MOB3B: variants seen among roughly 807,000 people sequenced by gnomAD.
MOB3B encodes MOB kinase activator 3B.
MOB3B carries 7 observed loss-of-function variants against 18.7 expected under a neutral mutation model. The observed-to-expected ratio is 0.37, with a 90% CI of 0.21 to 0.70. The LOEUF (loss-of-function observed/expected upper bound fraction) is 0.70, where lower values mean the gene tolerates loss of function less well. Among genes scored for constraint, MOB3B ranks in the 30% least tolerant of loss-of-function variants. MOB3B has a pLI of 0.52. For synonymous variants in MOB3B, 111 were observed against 99.9 expected, an observed-to-expected ratio of 1.11 and a Z score of -0.66; for missense variants, 253 against 281.3, an observed-to-expected ratio of 0.90 and a Z score of 0.72.
At chr9:27,398,496 CAG>C in intron 2 of MOB3B, among the ~76,000 whole-genome samples, 1 of 152,296 alleles carries the variant, frequency 6.6e-6, no homozygotes, top group East Asian at 1.9e-4. Context: ...GCATTTGACA[CAG>C]AGTCTAATAC....
intron 1 of MOB3B, among the ~76,000 whole-genome samples, chr9:27,526,688 GA>G (rs1820443066): frequency 6.6e-6 from 1 of 152,192 alleles, no homozygotes; most frequent in Admixed American, 6.5e-5. Flanking sequence ...CTAATCAAAA[GA>G]AAAAGGATAA....
intron 1 of MOB3B, chr9:27,525,092 T>C (rs1820415290): frequency 1.4e-6 from 1 of 715,532 alleles, no homozygotes; most frequent in Non-Finnish European, 2.2e-6. Flanking sequence ...CCTCGGAACA[T>C]CAGGGACACT....
chr9:27,432,435 A>G (rs1308834305), intron 2 of MOB3B, among the ~76,000 whole-genome samples: 4 of 152,172 alleles, frequency 2.6e-5, no homozygotes, highest in African/African-American at 4.8e-5. Context: ...TCACTTTGAG[A>G]TAGTAACCTC....
At chr9:27,418,918 A>G (rs1325648521) in intron 2 of MOB3B, among the ~76,000 whole-genome samples, 1 of 144,246 alleles carries the variant, frequency 6.9e-6, no homozygotes, top group Non-Finnish European at 1.5e-5. Context: ...ACTCCTCCAG[A>G]AAGCTCCTAG....
chr9:27,503,621 C>G (rs960393249), intron 1 of MOB3B, among the ~76,000 whole-genome samples: 1 of 152,214 alleles, frequency 6.6e-6, no homozygotes, highest in Non-Finnish European at 1.5e-5. Context: ...GATTAGCCCT[C>G]TGTAAAGTTT....
chr9:27,519,172 C>T (rs1371484510), intron 1 of MOB3B, among the ~76,000 whole-genome samples: 3 of 152,122 alleles, frequency 2.0e-5, no homozygotes, highest in Non-Finnish European at 4.4e-5. Context: ...AGAACCAAAC[C>T]ACCAAATAAC....
At chr9:27,496,480 G>C (rs567130190) in intron 1 of MOB3B, among the ~76,000 whole-genome samples, 2 of 152,164 alleles carry the variant, frequency 1.3e-5, no homozygotes, top group South Asian at 4.1e-4. Flanking sequence ...TCACATGTAA[G>C]GACAGTATAA....
intron 3 of MOB3B, among the ~76,000 whole-genome samples, chr9:27,349,286 C>A (rs140905635): frequency 7.9e-5 from 12 of 152,328 alleles, no homozygotes; most frequent in African/African-American, 2.4e-4. Flanking sequence ...AGTGACCACA[C>A]AAGTCCCTAG....
chr9:27,349,429 G>A (rs913670319), intron 3 of MOB3B, among the ~76,000 whole-genome samples: 6 of 152,060 alleles, frequency 3.9e-5, no homozygotes, highest in African/African-American at 9.7e-5. Flanking sequence ...GTTAATACTC[G>A]CTTGACATTT....
At chr9:27,472,008 T>C (rs1223052620) in intron 1 of MOB3B, among the ~76,000 whole-genome samples, 1 of 152,218 alleles carries the variant, frequency 6.6e-6, no homozygotes, top group Non-Finnish European at 1.5e-5. Flanking sequence ...CTGATGTTTT[T>C]ATGTAACCAC....
Position 27,470,137 on chromosome 9 carries a change from A to G in MOB3B, c.-198-14389T>C, listed in dbSNP as rs144034351. ...AAGAAAAAAAAAAAAAAGAAAAGAA[A>G]ACTACCCCAACTTAACTGTCTTTTT... is the stretch of plus-strand genomic sequence containing the variant. On this transcript the variant is annotated intron_variant, in intron 1 of 3. Transcript: ENST00000262244. Among the ~76,000 whole-genome samples, 725 of 151,482 alleles carry G rather than the reference A, an allele frequency of 4.8e-3. 6 individuals carry two copies. The highest frequency in any genetic ancestry group is 0.017 in the African/African-American group (692 of 41,306).
At chr9:27,471,258 G>C (rs1244209197) in intron 1 of MOB3B, among the ~76,000 whole-genome samples, 1 of 152,194 alleles carries the variant, frequency 6.6e-6, no homozygotes, top group Non-Finnish European at 1.5e-5. Flanking sequence ...GTCATTTCCT[G>C]AGGCGAATAG....
intron 2 of MOB3B, among the ~76,000 whole-genome samples, chr9:27,370,551 C>A (rs1478672322): frequency 6.6e-6 from 1 of 151,552 alleles, no homozygotes; most frequent in Admixed American, 6.6e-5. Flanking sequence ...TTTCTTTCTC[C>A]ATGTGAAGTT....
chr9:27,479,185 C>A (rs2131475250), intron 1 of MOB3B, among the ~76,000 whole-genome samples: 1 of 152,240 alleles, frequency 6.6e-6, no homozygotes. Context: ...AGCAAGGCAC[C>A]AGCAACTACT....
At chr9:27,381,564 C>G (rs1369664072) in intron 2 of MOB3B, among the ~76,000 whole-genome samples, 1 of 152,162 alleles carries the variant, frequency 6.6e-6, no homozygotes, top group Non-Finnish European at 1.5e-5. Flanking sequence ...CAACACCAGT[C>G]ATCGCACTCT....
chr9:27,526,732 C>A (rs1380479666), intron 1 of MOB3B, among the ~76,000 whole-genome samples: 1 of 152,158 alleles, frequency 6.6e-6, no homozygotes, highest in Non-Finnish European at 1.5e-5. Context: ...AGGGCACAAA[C>A]TGACATCATC....
intron 1 of MOB3B, among the ~76,000 whole-genome samples, chr9:27,461,589 C>T (rs754276485): frequency 8.5e-5 from 13 of 152,340 alleles, no homozygotes; most frequent in Non-Finnish European, 1.5e-4. Context: ...GAAGTTAGTA[C>T]AAATAGGTGT....
At chr9:27,335,214 G>A (rs1587137831) in intron 3 of MOB3B, among the ~76,000 whole-genome samples, 2 of 152,228 alleles carry the variant, frequency 1.3e-5, no homozygotes, top group African/African-American at 4.8e-5. Context: ...TAGGAATTAT[G>A]AAACAAGCGC....
rs573900219 is a variant in MOB3B at position 27,458,189 on chromosome 9, C to T, written c.-198-2441G>A. On this transcript the variant is annotated intron_variant, in intron 1 of 3. Transcript: ENST00000262244. ...GAGGGTACCATCAATGCCCACAGTC[C>T]TCAGAGCAACTTTCTTTCATGGCCA... Among the ~76,000 whole-genome samples, 5 of 152,252 alleles carry T rather than the reference C, an allele frequency of 3.3e-5. No individual in the cohort carries two copies. In the South Asian group the frequency reaches 1.0e-3, roughly 32 times the overall value.
Sources: gnomAD v4.1 joint callset for allele counts (sites outside exome capture counted in the v4.1 genomes callset) on GRCh38, gnomAD v4.1.1 for gene constraint, MANE v1.5 for transcripts, NCBI Gene and HGNC (gene_info 2026-07-23, HGNC 2026-07-21) for gene names.